DSCAML1: variants seen among roughly 807,000 people sequenced by gnomAD.
DSCAML1 encodes cell adhesion molecule DSCAML1.
DSCAML1 carries 38 observed loss-of-function variants against 200.5 expected under a neutral mutation model. That is an observed-to-expected ratio of 0.19 (90% CI 0.15 to 0.25). The LOEUF (loss-of-function observed/expected upper bound fraction) is 0.25, where lower values mean the gene tolerates loss of function less well. Ranked by LOEUF, DSCAML1 falls within the 10% of genes least tolerant of loss-of-function variation. DSCAML1 has a pLI of 1.00. For missense variants in DSCAML1, 2,223 were observed against 2,858.8 expected, an observed-to-expected ratio of 0.78 and a Z score of 5.07; for synonymous variants, 1,215 against 1,165.0, an observed-to-expected ratio of 1.04 and a Z score of -0.87.
At position 117,525,083 on chromosome 11, in the gene DSCAML1, T is replaced by G; in HGVS notation, c.659A>C (p.Asp220Ala). ...GATGGTGGGGATCGACTCAGCAGGGTCTGGAAGGCAGAGAGGGTCGGCAGC... is the reference window on the plus strand; with the variant it reads ...GATGGTGGGGATCGACTCAGCAGGGGCTGGAAGGCAGAGAGGGTCGGCAGC... ...QSNGARLSVT[D>A]PAESIPTILD... The change falls in exon 5 of 33, where the codon GAC becomes GCC. Residue 220 changes from aspartate to alanine, a missense_variant and splice_region_variant. Coordinates refer to ENST00000651296, the MANE Select transcript of DSCAML1 (RefSeq NM_020693.4). The G allele has an allele frequency of 6.5e-7, 1 of 1,541,760 alleles. No individual in the cohort carries two copies. The highest frequency in any genetic ancestry group is 8.7e-7 in the Non-Finnish European group (1 of 1,150,312).
chr11:117,431,587 C>T lies in DSCAML1; in HGVS notation c.5321G>A (p.Gly1774Asp). The change falls in exon 31 of 33, where the codon GGT (glycine) becomes GAT (aspartate). Residue 1774 changes from glycine to aspartate, a missense_variant. Transcript: ENST00000651296. Reference protein sequence around the residue: ...SDWRTVGSQHGVTVTESDSYS... With the variant: ...SDWRTVGSQHDVTVTESDSYS... ...GCTGTCACTCTCAGTGACCGTGACA[C>T]CATGCTGGGAGCCCACGGTGCGCCA... The T allele has an allele frequency of 6.2e-7, 1 of 1,611,010 alleles. No individual in the cohort carries two copies. Among genetic ancestry groups the T allele is most frequent in the Non-Finnish European group, 8.5e-7 (1 of 1,178,332 alleles).
chr11:117,486,445 A>G lies in DSCAML1; in HGVS notation c.2360-4283T>C, dbSNP rs375325420. Among the ~76,000 whole-genome samples, 619 of 149,858 alleles carry G rather than the reference A, an allele frequency of 4.1e-3. 6 individuals carry two copies. Among genetic ancestry groups the G allele is most frequent in the African/African-American group, 9.4e-3 (385 of 41,106 alleles). ...TGAAAATGGCGGATGTGAAAGTGGCAGATATGAAAGTAGCGGATGTGAAAA... is the reference window on the plus strand; with the variant it reads ...TGAAAATGGCGGATGTGAAAGTGGCGGATATGAAAGTAGCGGATGTGAAAA... On this transcript the variant is annotated intron_variant, in intron 11 of 32. Coordinates refer to ENST00000651296, the MANE Select transcript of DSCAML1 (RefSeq NM_020693.4).
At chr11:117,795,825 T>C (rs2055562631) in intron 1 of DSCAML1, among the ~76,000 whole-genome samples, 1 of 152,094 alleles carries the variant, frequency 6.6e-6, no homozygotes, top group Admixed American at 6.5e-5. Flanking sequence ...CCTCCCCGGG[T>C]GGCAACCCTC....
intron 3 of DSCAML1, among the ~76,000 whole-genome samples, chr11:117,548,269 TAA>T (rs1276806438): frequency 6.6e-6 from 1 of 152,226 alleles, no homozygotes; most frequent in Non-Finnish European, 1.5e-5. Context: ...TCTTCCCCTC[TAA>T]CAGTCAAGGA....
intron 3 of DSCAML1, among the ~76,000 whole-genome samples, chr11:117,772,097 G>A (rs1019385430): frequency 3.9e-5 from 6 of 152,122 alleles, no homozygotes; most frequent in Non-Finnish European, 4.4e-5. Context: ...GCATGTGGAC[G>A]AAGTGTAAGG....
rs1228452990 is a variant in DSCAML1, at chr11:117,461,568, C to T, written c.3294G>A (p.Arg1098=). Reference sequence around the variant, plus strand: ...CCACGTCAGAAGTGATGGACAGGGCCCGGACGTTCTCAGGGGGCTGGCTGG... The same window carrying T: ...CCACGTCAGAAGTGATGGACAGGGCTCGGACGTTCTCAGGGGGCTGGCTGG... ...DVPSQPPENV[R]ALSITSDVAV... Residue 1098 remains arginine (R), a synonymous_variant, in exon 18 of 33, where the codon CGG becomes CGA. Coordinates refer to ENST00000651296, the MANE Select transcript of DSCAML1 (RefSeq NM_020693.4). 1 of 1,613,818 alleles carries T rather than the reference C, an allele frequency of 6.2e-7. No homozygotes were observed. Among genetic ancestry groups the T allele is most frequent in the Non-Finnish European group, 8.5e-7 (1 of 1,180,020 alleles).
rs2048895578 is a variant in DSCAML1 at position 117,480,627 on chromosome 11, T to A, written c.2657-56A>T. On this transcript the variant is annotated intron_variant, in intron 13 of 32. Transcript: ENST00000651296. The surrounding 1 kb of genome is among the most constrained non-coding windows in gnomAD (Gnocchi z 4.1). ...GAGGAGGGCAGCAGGGAGCTTGGCCTCCTGCTTGGCCCTGAGGATTGGCAT... is the reference window on the plus strand; with the variant it reads ...GAGGAGGGCAGCAGGGAGCTTGGCCACCTGCTTGGCCCTGAGGATTGGCAT... 1 of 1,543,008 alleles carries A rather than the reference T, an allele frequency of 6.5e-7. No homozygotes were observed. Among genetic ancestry groups the A allele is most frequent in the Non-Finnish European group, 8.8e-7 (1 of 1,142,718 alleles).
intron 3 of DSCAML1, among the ~76,000 whole-genome samples, chr11:117,610,138 T>G (rs966265419): frequency 1.3e-5 from 2 of 152,180 alleles, no homozygotes; most frequent in Non-Finnish European, 2.9e-5. Flanking sequence ...ACCAAAGGCT[T>G]GTTGGGGAGA....
chr11:117,641,676 G>A (rs764504734), intron 3 of DSCAML1, among the ~76,000 whole-genome samples: 34 of 152,050 alleles, frequency 2.2e-4, no homozygotes, highest in Non-Finnish European at 4.0e-4. Flanking sequence ...AGACAGACTC[G>A]GGCTGGGGAG....
chr11:117,484,398 C>A (rs1306745444), intron 11 of DSCAML1, among the ~76,000 whole-genome samples: 1 of 152,194 alleles, frequency 6.6e-6, no homozygotes, highest in East Asian at 1.9e-4. Context: ...CTGACGACAG[C>A]CCTGGCCTCC....
intron 3 of DSCAML1, among the ~76,000 whole-genome samples, chr11:117,544,456 G>C (rs1272098620): frequency 1.3e-5 from 2 of 152,184 alleles, no homozygotes; most frequent in Non-Finnish European, 2.9e-5. Flanking sequence ...GCGGGAATTA[G>C]CTCCTGCCTG....
intron 30 of DSCAML1, 65 bp downstream of exon 30, chr11:117,432,285 CTG>C: frequency 9.4e-6 from 14 of 1,493,864 alleles, no homozygotes; most frequent in Non-Finnish European, 1.3e-5. Flanking sequence ...AACACCACCT[CTG>C]TGTCATGCTA....
chr11:117,661,577 A>G (rs988232865), intron 3 of DSCAML1, among the ~76,000 whole-genome samples: 5 of 152,130 alleles, frequency 3.3e-5, no homozygotes, highest in African/African-American at 1.2e-4. Context: ...CTCCCCTCCA[A>G]TCAGTCCCAA....
At chr11:117,502,985 A>G (rs964405926) in intron 11 of DSCAML1, among the ~76,000 whole-genome samples, 2 of 152,154 alleles carry the variant, frequency 1.3e-5, no homozygotes, top group Non-Finnish European at 2.9e-5. Flanking sequence ...CCTTATAGCC[A>G]TGTCTTGACA....
At chr11:117,720,387 G>C (rs1228381057) in intron 3 of DSCAML1, among the ~76,000 whole-genome samples, 2 of 152,076 alleles carry the variant, frequency 1.3e-5, no homozygotes, top group Non-Finnish European at 2.9e-5. Context: ...AGTCAGACAG[G>C]CTGAAAGAGA....
intron 3 of DSCAML1, among the ~76,000 whole-genome samples, chr11:117,587,260 C>CCG (rs1555187516): frequency 6.6e-6 from 1 of 150,616 alleles, no homozygotes; most frequent in Non-Finnish European, 1.5e-5. Context: ...CCAACCCCCC[C>CCG]CCACGATTTA....
rs754085216 is a variant in DSCAML1, at chr11:117,532,378, G to A, written c.656C>T (p.Thr219Ile). 1 of 1,613,510 alleles carries A rather than the reference G, an allele frequency of 6.2e-7. No individual in the cohort carries two copies. Among genetic ancestry groups the A allele is most frequent in the South Asian group, 1.1e-5 (1 of 91,002 alleles). ...TCTCCCCAGGCCCTCTCCCCTACCT[G>A]TCACAGAGAGGCGTGCCCCATTGCT... ...RQSNGARLSV[T>I]DPAESIPTIL... The change falls in exon 4 of 33, where the codon ACA (threonine) becomes ATA (isoleucine). Residue 219 changes from threonine (T) to isoleucine (I), a missense_variant and splice_region_variant. Thr to Ile is a moderately conservative substitution (Grantham distance 89). Coordinates refer to ENST00000651296, the MANE Select transcript of DSCAML1 (RefSeq NM_020693.4).
chr11:117,447,115 C>G (rs2048195464), intron 20 of DSCAML1, among the ~76,000 whole-genome samples: 1 of 152,094 alleles, frequency 6.6e-6, no homozygotes, highest in Non-Finnish European at 1.5e-5. Context: ...ATGGTGAAAC[C>G]CTGCCTCTAC....
At chr11:117,492,418 G>A (rs2049200234) in intron 11 of DSCAML1, among the ~76,000 whole-genome samples, 3 of 152,178 alleles carry the variant, frequency 2.0e-5, no homozygotes, top group Admixed American at 2.0e-4. Context: ...CCTTCTGGGA[G>A]AGGCTTTTCC....
Sources: gnomAD v4.1 joint callset for allele counts (sites outside exome capture counted in the v4.1 genomes callset) on GRCh38, gnomAD v4.1.1 for gene constraint, Gnocchi (gnomAD v3.1) non-coding constraint, MANE v1.5 for transcripts, NCBI Gene and HGNC (gene_info 2026-07-23, HGNC 2026-07-21) for gene names.